TERB1: variants seen among roughly 807,000 people sequenced by gnomAD.
The protein encoded by TERB1 is telomere repeats-binding bouquet formation protein 1.
A neutral mutation model predicts 92.3 loss-of-function variants in TERB1; 63 were observed. The ratio of observed to expected loss-of-function variants is 0.68; its 90% confidence interval spans 0.56 to 0.84. TERB1 has a LOEUF of 0.84. TERB1 is among the 40% of genes least tolerant of loss of function. TERB1 has a pLI of 0.00. For synonymous variants in TERB1, 252 were observed against 283.9 expected, an observed-to-expected ratio of 0.89 and a Z score of 1.13; for missense variants, 709 against 843.7, an observed-to-expected ratio of 0.84 and a Z score of 1.98.
At chr16:66,769,736 GA>G (rs2018410847) in intron 14 of TERB1, among the ~76,000 whole-genome samples, 1 of 152,074 alleles carries the variant, frequency 6.6e-6, no homozygotes, top group South Asian at 2.1e-4. Flanking sequence ...TATACCCTGT[GA>G]GTTAAAACCC....
chr16:66,797,780 T>C (rs375715940), intron 2 of TERB1, among the ~76,000 whole-genome samples: 1 of 152,106 alleles, frequency 6.6e-6, no homozygotes, highest in East Asian at 1.9e-4. Flanking sequence ...TCTCCTGAGC[T>C]CAAGCAATCC....
chr16:66,790,003 G>T (rs375772871), intron 5 of TERB1, among the ~76,000 whole-genome samples: 3 of 152,088 alleles, frequency 2.0e-5, no homozygotes, highest in Non-Finnish European at 4.4e-5. Context: ...GAGCCACCAC[G>T]CCTGGCTGAT....
At chr16:66,775,742 G>A (rs1238799545) in intron 11 of TERB1, among the ~76,000 whole-genome samples, 4 of 132,244 alleles carry the variant, frequency 3.0e-5, no homozygotes, top group Non-Finnish European at 6.2e-5. Context: ...AGGGAATCTC[G>A]CTCTGTCACC....
At chr16:66,795,770 A>G (rs2018919681) in intron 3 of TERB1, among the ~76,000 whole-genome samples, 3 of 152,122 alleles carry the variant, frequency 2.0e-5, no homozygotes, top group Non-Finnish European at 4.4e-5. Context: ...TTATTTATTT[A>G]TGAATGAATG....
intron 5 of TERB1, among the ~76,000 whole-genome samples, chr16:66,788,563 C>A (rs363164): frequency 6.6e-6 from 1 of 150,578 alleles, no homozygotes; most frequent in Non-Finnish European, 1.5e-5. Flanking sequence ...AAAAAACTTA[C>A]CTGAATAAAA....
intron 16 of TERB1, among the ~76,000 whole-genome samples, chr16:66,763,479 G>A (rs1170192652): frequency 6.6e-6 from 1 of 152,056 alleles, no homozygotes; most frequent in African/African-American, 2.4e-5. Flanking sequence ...TCAGATTCAG[G>A]TTCAAGTGTT....
In TERB1 at chr16:66,755,121, T is replaced by C; in HGVS notation, c.2039A>G (p.Asn680Ser). Reference sequence around the variant, plus strand: ...TTTCTTAACTCCATTGAAAAGGTAATTTACTTCTTCTTCAGTAAAGTTTTT... The same window carrying C: ...TTTCTTAACTCCATTGAAAAGGTAACTTACTTCTTCTTCAGTAAAGTTTTT... ...IRKNFTEEEV[N>S]YLFNGVKKMG... Residue 680 changes from asparagine (N) to serine (S), a missense_variant, in exon 19 of 19, where the codon AAT becomes AGT. Asn to Ser is a conservative substitution (Grantham distance 46). Transcript: ENST00000433154. The C allele has an allele frequency of 6.5e-7, 1 of 1,549,660 alleles. No homozygotes were observed. The highest frequency in any genetic ancestry group is 8.7e-7 in the Non-Finnish European group (1 of 1,145,292).
upstream of TERB1, among the ~76,000 whole-genome samples, chr16:66,801,958 G>A (rs1476678668): frequency 6.6e-6 from 1 of 152,150 alleles, no homozygotes; most frequent in Non-Finnish European, 1.5e-5. Context: ...CTCGCTAATC[G>A]TCACCACAGC....
intron 14 of TERB1, 87 bp from the exon 15 acceptor site, chr16:66,768,255 T>C: frequency 8.7e-7 from 1 of 1,147,890 alleles, no homozygotes; most frequent in Non-Finnish European, 1.3e-6. Context: ...GTTGTGATTT[T>C]CGGTGTTTGG....
chr16:66,778,303 T>G lies in TERB1; in HGVS notation c.853+560A>C, dbSNP rs146658734. On this transcript the variant is annotated intron_variant, in intron 10 of 18. Transcript: ENST00000433154. ...TTTGAGAGATGGAGTCTCGATATGT[T>G]GACCAAGCTGGTCTCAAACTCCTGG... Among the ~76,000 whole-genome samples the G allele has an allele frequency of 1.6e-3, 243 of 152,326 alleles. 1 individual carries two copies. Among genetic ancestry groups the G allele is most frequent in the African/African-American group, 5.7e-3 (238 of 41,554 alleles).
At chr16:66,770,344 A>G (rs1420446758) in intron 13 of TERB1, 35 bp from the exon 14 acceptor site, 1 of 1,317,416 alleles carries the variant, frequency 7.6e-7, no homozygotes, top group South Asian at 1.5e-5. Context: ...TTTCAATATA[A>G]TCCATTCCCT....
In TERB1 at chr16:66,785,920, C is replaced by G; in HGVS notation, c.578-12G>C. ...CATTTGATTCTCATCTGAAAGAAGACAAAGTCAATCATGATTTAATATGAC... is the reference window on the plus strand; with the variant it reads ...CATTTGATTCTCATCTGAAAGAAGAGAAAGTCAATCATGATTTAATATGAC... On this transcript the variant is annotated splice_polypyrimidine_tract_variant and intron_variant, in intron 8 of 18. Coordinates refer to ENST00000433154, the MANE Select transcript of TERB1 (RefSeq NM_001136505.2). The G allele has an allele frequency of 6.5e-7, 1 of 1,536,340 alleles. No individual in the cohort carries two copies.
chr16:66,761,845 G>A (rs1051651392), intron 16 of TERB1, among the ~76,000 whole-genome samples: 3 of 152,178 alleles, frequency 2.0e-5, no homozygotes, highest in Admixed American at 1.3e-4. Flanking sequence ...ACAAGGTCAG[G>A]AGATGGAGAC....
intron 5 of TERB1, among the ~76,000 whole-genome samples, 154 bp downstream of exon 5, chr16:66,790,439 AAG>A (rs758656832): frequency 6.7e-5 from 10 of 149,404 alleles, no homozygotes; most frequent in Non-Finnish European, 1.3e-4. Flanking sequence ...AAGAGAGAGA[AAG>A]AGAGAAAGGA....
In TERB1 at chr16:66,770,080, A is replaced by G. The variant is rs1233221401; in HGVS notation, c.1502T>C (p.Val501Ala). The change falls in exon 14 of 19, where the codon GTC (valine) becomes GCC (alanine). Residue 501 changes from valine (V) to alanine (A), a missense_variant. Transcript: ENST00000433154. ...CTCACTCTCCCTGTAACAAGCATGG[A>G]CTGGATTTGCGCTCTTTAACGGTGT... ...MKTPLKSANP[V>A]HACYRESEQN... 6.4e-7 allele frequency: 1 copy of G among 1,551,964 alleles called. No homozygotes were observed. Among genetic ancestry groups the G allele is most frequent in the Non-Finnish European group, 8.7e-7 (1 of 1,147,050 alleles).
intron 16 of TERB1, among the ~76,000 whole-genome samples, chr16:66,761,043 T>C (rs866240539): frequency 7.1e-3 from 744 of 104,214 alleles, no homozygotes; most frequent in Middle Eastern, 0.023. Context: ...ACCCGCCAGG[T>C]GGAGGTTGCA....
intron 3 of TERB1, among the ~76,000 whole-genome samples, chr16:66,793,111 G>A (rs1395303743): frequency 4.0e-5 from 6 of 150,924 alleles, no homozygotes; most frequent in Admixed American, 4.0e-4. Flanking sequence ...GAAAGATATA[G>A]GATGAAGGGT....
At chr16:66,790,252 G>A (rs567786058) in intron 5 of TERB1, among the ~76,000 whole-genome samples, 2 of 145,950 alleles carry the variant, frequency 1.4e-5, no homozygotes, top group Admixed American at 7.0e-5. Context: ...AGGAAAAAGG[G>A]AAGGGAAGGA....
At chr16:66,801,244 T>C (rs1489447093) in intron 1 of TERB1, among the ~76,000 whole-genome samples, 191 bp from the exon 2 acceptor site, 3 of 151,734 alleles carry the variant, frequency 2.0e-5, no homozygotes, top group Non-Finnish European at 4.4e-5. Context: ...GAGTCAGAAG[T>C]GAAATAGGGG....
Sources: gnomAD v4.1 joint callset for allele counts (sites outside exome capture counted in the v4.1 genomes callset) on GRCh38, gnomAD v4.1.1 for gene constraint, MANE v1.5 for transcripts, NCBI Gene and HGNC (gene_info 2026-07-23, HGNC 2026-07-21) for gene names.